PACS2: variants seen among roughly 807,000 people sequenced by gnomAD.
The protein encoded by PACS2 is PACS1-like protein.
In PACS2, 36 loss-of-function variants were observed where a neutral mutation model predicts 113.0. The observed-to-expected ratio is 0.32, with a 90% CI of 0.24 to 0.42. The LOEUF is 0.42. Ranked by LOEUF, PACS2 falls within the 10% of genes least tolerant of loss-of-function variation. PACS2 has a pLI of 1.00. For missense variants in PACS2, 1,015 were observed against 1,239.5 expected (o/e 0.82, Z 2.72); for synonymous variants, 589 against 536.1 (o/e 1.10, Z -1.36).
chr14:105,387,872 C>T (rs1555413963), intron 19 of PACS2, among the ~76,000 whole-genome samples: 1 of 152,224 alleles, frequency 6.6e-6, no homozygotes, highest in Non-Finnish European at 1.5e-5. Flanking sequence ...CACCTGTCTT[C>T]TGTGCCTTCG....
chr14:105,378,983 G>C (rs782515130), intron 9 of PACS2, among the ~76,000 whole-genome samples: 4 of 151,974 alleles, frequency 2.6e-5, no homozygotes, highest in Non-Finnish European at 5.9e-5. Flanking sequence ...GATCAGCCTG[G>C]ATCAGCCTGG....
rs587743136 is a variant in PACS2 at position 105,336,976 on chromosome 14, G to A, written c.120-11517G>A. On this transcript the variant is annotated intron_variant, in intron 1 of 24. Transcript: ENST00000447393. The stretch of plus-strand genomic sequence containing the variant: ...TACTCACGGTGACTGCGTGATGGAC[G>A]CAGCCTGTATCCATCCTCGGACAAA... Among the ~76,000 whole-genome samples the A allele has an allele frequency of 7.9e-5, 12 of 152,336 alleles. No homozygotes were observed. In the East Asian group the frequency reaches 2.1e-3, roughly 27 times the overall value.
In PACS2 at chr14:105,329,756, G is replaced by A. The variant is rs1349057008; in HGVS notation, c.119+14719G>A. ...CTAGTGTATCAGCTCCCGGACTGCAGGCAGCAGCAAACTCTGCCGTGTGGT... is the reference window on the plus strand; with the variant it reads ...CTAGTGTATCAGCTCCCGGACTGCAAGCAGCAGCAAACTCTGCCGTGTGGT... On this transcript the variant is annotated intron_variant, in intron 1 of 24. Transcript: ENST00000447393. This position sits in a 1 kb window ranked among gnomAD's most constrained non-coding sequence, Gnocchi z 6.4. Among the ~76,000 whole-genome samples, 1 of 152,222 alleles carries A rather than the reference G, an allele frequency of 6.6e-6. No individual in the cohort carries two copies. Among genetic ancestry groups the A allele is most frequent in the African/African-American group, 2.4e-5 (1 of 41,444 alleles).
At chr14:105,312,537 C>T (rs1379537068), upstream of PACS2, among the ~76,000 whole-genome samples, 1 of 152,188 alleles carries the variant, frequency 6.6e-6, no homozygotes, top group Non-Finnish European at 1.5e-5. Context: ...AGAGAAAGCA[C>T]CTGTGCTCCA....
At chr14:105,391,846 T>C in intron 22 of PACS2, 80 bp downstream of exon 22, 1 of 1,381,016 alleles carries the variant, frequency 7.2e-7, no homozygotes, top group Admixed American at 2.6e-5. Flanking sequence ...CTCCCCTATG[T>C]CACATCCACC....
chr14:105,318,343 T>C (rs9671890), intron 1 of PACS2, among the ~76,000 whole-genome samples: 15,036 of 152,164 alleles, frequency 0.099, 2,510 homozygotes, highest in African/African-American at 0.34. Context: ...TGCAGTGGCT[T>C]GATCATGGCT....
intron 11 of PACS2, among the ~76,000 whole-genome samples, chr14:105,380,392 A>C (rs1240286672): frequency 1.6e-5 from 2 of 128,048 alleles, no homozygotes; most frequent in African/African-American, 6.0e-5. Context: ...GGGTCAGGGC[A>C]GCTGGACTCC....
intron 1 of PACS2, among the ~76,000 whole-genome samples, chr14:105,321,861 T>C (rs968216987): frequency 6.6e-6 from 1 of 152,136 alleles, no homozygotes; most frequent in African/African-American, 2.4e-5. Flanking sequence ...TTAAAAACCT[T>C]TGTATATCCT....
intron 8 of PACS2, chr14:105,370,363 A>T (rs1181975568): frequency 1.5e-5 from 2 of 132,002 alleles, no homozygotes; most frequent in African/African-American, 3.1e-5. Flanking sequence ...TTCATCTTTT[A>T]GCTTTTCTCT....
Position 105,394,637 on chromosome 14 carries a change from A to G in PACS2, c.2680A>G (p.Ile894Val), listed in dbSNP as rs1555416018. ...GTCCTCGCACGTGAAGCACTTCCCC[A>G]TCTGCATCTTCGGACACTCCAAGGC... Reference protein sequence around the residue: ...QWSSHVKHFPICIFGHSKATF With the variant: ...QWSSHVKHFPVCIFGHSKATF Residue 894 changes from isoleucine (I) to valine (V), a missense_variant, in exon 25 of 25, where the codon ATC becomes GTC. Transcript: ENST00000447393. 1.6e-5 allele frequency: 26 copies of G among 1,613,322 alleles called. No individual in the cohort carries two copies. Among genetic ancestry groups the G allele is most frequent in the Non-Finnish European group, 2.2e-5 (26 of 1,179,888 alleles).
chr14:105,311,543 C>CT (rs1366689893), upstream of PACS2, among the ~76,000 whole-genome samples: 2 of 152,214 alleles, frequency 1.3e-5, no homozygotes, highest in African/African-American at 2.4e-5. Flanking sequence ...GTGTGAGCCC[C>CT]TGCGACTGGC....
Position 105,314,924 on chromosome 14 carries a change from C to A in PACS2, c.6C>A (p.Ala2=). 9.4e-7 allele frequency: 1 copy of A among 1,063,406 alleles called. No homozygotes were observed. 65.9% of individuals were successfully genotyped at this position (1,063,406 alleles called of 1,614,324 possible). M[A]ERGRLGLPGA... ...GGAGCGGCGGGGCCGGCGCCATGGC[C>A]GAGCGAGGCCGCCTCGGCCTCCCCG... is the stretch of plus-strand genomic sequence containing the variant. Residue 2 remains alanine (A), a synonymous_variant, in exon 1 of 25, where the codon GCC becomes GCA. Coordinates refer to ENST00000447393, the MANE Select transcript of PACS2 (RefSeq NM_001100913.3).
chr14:105,379,632 G>T, intron 9 of PACS2, 107 bp from the exon 10 acceptor site: 1 of 889,418 alleles, frequency 1.1e-6, no homozygotes, highest in Non-Finnish European at 1.9e-6. Context: ...CTGCTCTGCC[G>T]TTGGATTCTG....
In PACS2 at chr14:105,376,970, GC is replaced by G; in HGVS notation, c.959+49del. 6.5e-7 allele frequency: 1 copy of G among 1,540,486 alleles called. No homozygotes were observed. The highest frequency in any genetic ancestry group is 8.8e-7 in the Non-Finnish European group (1 of 1,140,002). ...GCGGGGAGGAACAGCCATTTCAGAT[GC>G]CCCGGCCACTCTGCGACCACTCTGG... On this transcript the variant is annotated intron_variant, in intron 9 of 24. Coordinates refer to ENST00000447393, the MANE Select transcript of PACS2 (RefSeq NM_001100913.3). The surrounding 1 kb of genome is among the most constrained non-coding windows in gnomAD (Gnocchi z 4.7).
At chr14:105,308,456 T>C (rs1309386298) in intron 1 of PACS2, among the ~76,000 whole-genome samples, 3 of 148,744 alleles carry the variant, frequency 2.0e-5, no homozygotes, top group Admixed American at 6.7e-5. Context: ...TACTCCAGCC[T>C]GGGCACGACA....
chr14:105,362,311 G>C (rs187686108), intron 4 of PACS2, among the ~76,000 whole-genome samples: 1 of 149,952 alleles, frequency 6.7e-6, no homozygotes, highest in African/African-American at 2.5e-5. Context: ...CCAGCTACTC[G>C]GGAGGCTGAG....
intron 19 of PACS2, among the ~76,000 whole-genome samples, chr14:105,388,036 G>C (rs1237202080): frequency 6.6e-6 from 1 of 152,248 alleles, no homozygotes; most frequent in African/African-American, 2.4e-5. Flanking sequence ...CTGAGGCAGA[G>C]GTGGGCCTCA....
In PACS2 at chr14:105,358,506, C is replaced by T. The variant is rs1307559572; in HGVS notation, c.423+3329C>T. ...CGTAGAGGGAGTGTGTAGGGGTGGG[C>T]GTTCGTGTGGCCAGACCACCCTGGG... On this transcript the variant is annotated intron_variant, in intron 4 of 24. Coordinates refer to ENST00000447393, the MANE Select transcript of PACS2 (RefSeq NM_001100913.3). This position sits in a 1 kb window ranked among gnomAD's most constrained non-coding sequence, Gnocchi z 4.9. 6.6e-5 allele frequency among the ~76,000 whole-genome samples: 10 copies of T among 152,120 alleles called. No individual in the cohort carries two copies. Among genetic ancestry groups the T allele is most frequent in the South Asian group, 2.1e-4 (1 of 4,826 alleles).
Position 105,397,796 on chromosome 14 carries a change from C to T in PACS2, c.*3124C>T, listed in dbSNP as rs1349962427. 6.6e-6 allele frequency: 1 copy of T among 152,318 alleles called. No homozygotes were observed. The highest frequency in any genetic ancestry group is 1.9e-4 in the East Asian group (1 of 5,192). The allele number at this position is 152,318 out of a possible 1,614,324, so 9.4% of individuals were successfully genotyped here. A position where few individuals can be genotyped will look rare whatever the true frequency, so the allele number is the denominator to read the frequency against. On this transcript the variant is annotated 3_prime_UTR_variant, in exon 25 of 25. Coordinates refer to ENST00000447393, the MANE Select transcript of PACS2 (RefSeq NM_001100913.3). ...TCTCGCCTTCCTCCGGGAATGAATT[C>T]CTCATGAAAATGACCAGGCCACTTC...
Sources: gnomAD v4.1 joint callset for allele counts (sites outside exome capture counted in the v4.1 genomes callset) on GRCh38, gnomAD v4.1.1 for gene constraint, Gnocchi (gnomAD v3.1) non-coding constraint, MANE v1.5 for transcripts, NCBI Gene and HGNC (gene_info 2026-07-23, HGNC 2026-07-21) for gene names.